Variants in NDNF observed in about 807,000 individuals in gnomAD.
NDNF encodes the protein neuron derived neurotrophic factor.
A neutral mutation model predicts 42.0 loss-of-function variants in NDNF; 16 were observed. That is an observed-to-expected ratio of 0.38 (90% CI 0.26 to 0.58). The LOEUF is 0.58. NDNF is among the 20% of genes least tolerant of loss of function. NDNF has a pLI of 0.67. For missense variants in NDNF, 616 were observed against 666.2 expected (o/e 0.92, Z 0.83); for synonymous variants, 248 against 251.7 (o/e 0.99, Z 0.14).
intron 1 of NDNF, among the ~76,000 whole-genome samples, chr4:121,058,610 C>T (rs533066636): frequency 1.9e-4 from 29 of 152,264 alleles, no homozygotes; most frequent in African/African-American, 3.1e-4. Context: ...AGTGCAGCAG[C>T]GCAATCTTTC....
chr4:121,043,770 T>C (rs1476503038), intron 2 of NDNF, among the ~76,000 whole-genome samples: 2 of 152,192 alleles, frequency 1.3e-5, no homozygotes, highest in Admixed American at 6.5e-5. Context: ...CCAAGTGCAT[T>C]TGGGAAATGA....
At position 121,069,114 on chromosome 4, in the gene NDNF, A is replaced by G. The variant is rs1218688187; in HGVS notation, c.-2+2879T>C. 2.6e-5 allele frequency among the ~76,000 whole-genome samples: 4 copies of G among 152,318 alleles called. No individual in the cohort carries two copies. The South Asian group carries it at 6.2e-4, about 24-fold the overall frequency. ...TTCCACAACAGAGTCTGGTCGATAA[A>G]TCCAAGTGAGAAAACTAAAATCTGA... On this transcript the variant is annotated intron_variant, in intron 1 of 3. Transcript: ENST00000379692.
chr4:121,070,514 G>C (rs1420722763), intron 1 of NDNF, among the ~76,000 whole-genome samples: 1 of 152,072 alleles, frequency 6.6e-6, no homozygotes, highest in East Asian at 1.9e-4. Flanking sequence ...AGAGGAGGAG[G>C]TGCGGAGATT....
At position 121,072,025 on chromosome 4, in the gene NDNF, GAA is replaced by G. The variant is rs1022323999; in HGVS notation, c.-36_-35del. On this transcript the variant is annotated 5_prime_UTR_variant, in exon 1 of 4. Transcript: ENST00000379692. ...AGATCTGTTTTTCGTAGGGAAAATA[GAA>G]AAAAATCCCTCCCCGTGGTGTGGTG... The G allele has an allele frequency of 6.6e-6, 1 of 152,184 alleles. No individual in the cohort carries two copies. Among genetic ancestry groups the G allele is most frequent in the African/African-American group, 2.4e-5 (1 of 41,394 alleles). 9.4% of individuals were successfully genotyped at this position (152,184 alleles called of 1,614,324 possible).
At chr4:121,041,607 G>A (rs1273417912) in intron 2 of NDNF, among the ~76,000 whole-genome samples, 1 of 152,132 alleles carries the variant, frequency 6.6e-6, no homozygotes, top group Non-Finnish European at 1.5e-5. Flanking sequence ...ACTCTCAGCT[G>A]GAAATCACAT....
chr4:121,053,398 C>T (rs1727233517), intron 1 of NDNF, among the ~76,000 whole-genome samples: 1 of 152,178 alleles, frequency 6.6e-6, no homozygotes, highest in African/African-American at 2.4e-5. Context: ...CAAGCCTACA[C>T]AATCAGAATT....
chr4:121,065,871 T>C (rs555552292), intron 1 of NDNF, among the ~76,000 whole-genome samples: 3 of 152,072 alleles, frequency 2.0e-5, no homozygotes, highest in African/African-American at 7.2e-5. Flanking sequence ...AGTTTACCCA[T>C]TTCCCATTGC....
intron 1 of NDNF, among the ~76,000 whole-genome samples, chr4:121,070,140 G>A (rs1727564425): frequency 6.6e-6 from 1 of 152,170 alleles, no homozygotes; most frequent in Non-Finnish European, 1.5e-5. Context: ...TGAAACCACT[G>A]TAATAAGAGA....
chr4:121,069,979 G>A (rs1727561882), intron 1 of NDNF, among the ~76,000 whole-genome samples: 1 of 152,236 alleles, frequency 6.6e-6, no homozygotes, highest in East Asian at 1.9e-4. Flanking sequence ...TAAGAAGACA[G>A]ATGGAGGCAA....
intron 1 of NDNF, chr4:121,061,344 G>C (rs1727402668): frequency 6.5e-6 from 1 of 152,808 alleles, no homozygotes; most frequent in Admixed American, 6.5e-5. Flanking sequence ...CTTTGGCCAA[G>C]TGCACAGCTT....
chr4:121,039,208 A>AAAGACTATGTGTG (rs1321895629), intron 3 of NDNF, among the ~76,000 whole-genome samples: 2 of 93,780 alleles, frequency 2.1e-5, no homozygotes, highest in East Asian at 7.0e-4. Flanking sequence ...ATATATATAT[A>AAAGACTATGTGTG]TATATATATA....
chr4:121,054,010 T>C (rs1383984237), intron 1 of NDNF, among the ~76,000 whole-genome samples: 3 of 152,220 alleles, frequency 2.0e-5, no homozygotes, highest in South Asian at 2.1e-4. Flanking sequence ...GCATGAATTG[T>C]TGTGGTCAAT....
At chr4:121,042,133 T>C (rs534549060) in intron 2 of NDNF, among the ~76,000 whole-genome samples, 2 of 152,346 alleles carry the variant, frequency 1.3e-5, no homozygotes, top group East Asian at 3.9e-4. Flanking sequence ...TTAATGTCAT[T>C]TTCCTCACAA....
intron 1 of NDNF, among the ~76,000 whole-genome samples, chr4:121,068,101 G>C (rs1727531088): frequency 6.6e-6 from 1 of 152,178 alleles, no homozygotes; most frequent in Non-Finnish European, 1.5e-5. Context: ...ACCACCATGT[G>C]ATACAATAAA....
chr4:121,056,246 G>A (rs760996857), intron 1 of NDNF, among the ~76,000 whole-genome samples: 1 of 152,168 alleles, frequency 6.6e-6, no homozygotes, highest in Non-Finnish European at 1.5e-5. Flanking sequence ...GCACCAGCAG[G>A]GAAGTGGCAG....
At chr4:121,068,683 A>C (rs1460292877) in intron 1 of NDNF, among the ~76,000 whole-genome samples, 3 of 152,160 alleles carry the variant, frequency 2.0e-5, no homozygotes, top group Non-Finnish European at 4.4e-5. Flanking sequence ...CCAAAGCAAG[A>C]CCTGACAAGA....
chr4:121,068,148 G>T (rs1316285786), intron 1 of NDNF, among the ~76,000 whole-genome samples: 1 of 152,100 alleles, frequency 6.6e-6, no homozygotes, highest in Non-Finnish European at 1.5e-5. Flanking sequence ...CATACTACAT[G>T]ATTATTTTTT....
chr4:121,069,915 T>C (rs899794728), intron 1 of NDNF, among the ~76,000 whole-genome samples: 1 of 152,172 alleles, frequency 6.6e-6, no homozygotes. Flanking sequence ...TAGGTTTAGA[T>C]TGAAAATGGG....
intron 1 of NDNF, among the ~76,000 whole-genome samples, chr4:121,055,148 T>A (rs1232430097): frequency 1.3e-5 from 2 of 152,264 alleles, no homozygotes; most frequent in Non-Finnish European, 2.9e-5. Context: ...AGAAAGGCCA[T>A]GAAGTGATCC....
Sources: gnomAD v4.1 joint callset for allele counts (sites outside exome capture counted in the v4.1 genomes callset) on GRCh38, gnomAD v4.1.1 for gene constraint, MANE v1.5 for transcripts, NCBI Gene and HGNC (gene_info 2026-07-23, HGNC 2026-07-21) for gene names.